NLGN1: variants seen among roughly 807,000 people sequenced by gnomAD.
NLGN1 encodes neuroligin-1.
A neutral mutation model predicts 65.5 loss-of-function variants in NLGN1; 12 were observed. The ratio of observed to expected loss-of-function variants is 0.18; its 90% confidence interval spans 0.12 to 0.30. The LOEUF is 0.30. Among genes scored for constraint, NLGN1 ranks in the 10% least tolerant of loss-of-function variants. The pLI is 1.00. For synonymous variants in NLGN1, 350 were observed against 359.5 expected, an observed-to-expected ratio of 0.97 and a Z score of 0.30; for missense variants, 750 against 1,007.1, an observed-to-expected ratio of 0.74 and a Z score of 3.46.
At chr3:173,892,408 G>A (rs956838642) in intron 4 of NLGN1, among the ~76,000 whole-genome samples, 5 of 151,796 alleles carry the variant, frequency 3.3e-5, no homozygotes, top group South Asian at 4.2e-4. Flanking sequence ...ATTTTCCTAT[G>A]TATGTTTTAT....
chr3:174,240,520 A>T lies in NLGN1; in HGVS notation c.647-34795A>T, dbSNP rs188884362. On this transcript the variant is annotated intron_variant, in intron 4 of 6. Transcript: ENST00000457714. ...TTAAATTACCAAGAACGCTGTCATT[A>T]TACAGGCCAGATAGGAAAAAAGTCC... is the stretch of plus-strand genomic sequence containing the variant. Among the ~76,000 whole-genome samples, 120 of 152,304 alleles carry T rather than the reference A, an allele frequency of 7.9e-4. 1 individual carries two copies. The highest frequency in any genetic ancestry group is 6.8e-3 in the Middle Eastern group (2 of 292).
intron 4 of NLGN1, among the ~76,000 whole-genome samples, chr3:173,965,481 C>CTT (rs1298101645): frequency 0.011 from 1,422 of 134,322 alleles, 30 homozygotes; most frequent in African/African-American, 0.036. Flanking sequence ...CCAGGCCCGG[C>CTT]TTTTTTTTTT....
At chr3:174,075,114 T>G (rs1740643185) in intron 4 of NLGN1, among the ~76,000 whole-genome samples, 1 of 152,092 alleles carries the variant, frequency 6.6e-6, no homozygotes, top group Non-Finnish European at 1.5e-5. Context: ...TGGCAGGAGA[T>G]TACAAAATCT....
At chr3:173,907,975 C>T (rs1007101621) in intron 4 of NLGN1, among the ~76,000 whole-genome samples, 4 of 152,230 alleles carry the variant, frequency 2.6e-5, no homozygotes, top group Admixed American at 2.0e-4. Flanking sequence ...ATGCCTCGGC[C>T]TCCCAAAGTG....
At chr3:173,532,330 T>A (rs189834407) in intron 2 of NLGN1, among the ~76,000 whole-genome samples, 302 of 152,310 alleles carry the variant, frequency 2.0e-3, no homozygotes, top group African/African-American at 7.1e-3. Flanking sequence ...AAATTGTGGA[T>A]ATTTCAAGGT....
chr3:173,548,049 G>A (rs141261939), intron 2 of NLGN1, among the ~76,000 whole-genome samples: 7 of 151,708 alleles, frequency 4.6e-5, no homozygotes, highest in East Asian at 1.9e-4. Context: ...ATTTACTTAC[G>A]CATTTACTTC....
At chr3:173,463,901 G>A (rs921148812) in intron 2 of NLGN1, among the ~76,000 whole-genome samples, 2 of 151,550 alleles carry the variant, frequency 1.3e-5, no homozygotes, top group African/African-American at 4.9e-5. Context: ...TATATAATGG[G>A]TTTATAGTTG....
chr3:173,740,549 A>G (rs1774485153), intron 3 of NLGN1, among the ~76,000 whole-genome samples: 1 of 152,084 alleles, frequency 6.6e-6, no homozygotes, highest in African/African-American at 2.4e-5. Context: ...CCCCTGTTCC[A>G]AAGAAGTACT....
intron 1 of NLGN1, among the ~76,000 whole-genome samples, chr3:173,413,514 C>T (rs1369628585): frequency 6.6e-6 from 1 of 152,068 alleles, no homozygotes; most frequent in African/African-American, 2.4e-5. Context: ...GCAGAAGAAT[C>T]GCTTGAACCC....
chr3:173,463,263 A>G (rs1374993947), intron 2 of NLGN1, among the ~76,000 whole-genome samples: 1 of 152,238 alleles, frequency 6.6e-6, no homozygotes. Flanking sequence ...ATATTGTTCA[A>G]AAACATGAGT....
intron 2 of NLGN1, among the ~76,000 whole-genome samples, chr3:173,466,702 T>C (rs1335150316): frequency 6.6e-6 from 1 of 152,194 alleles, no homozygotes; most frequent in Non-Finnish European, 1.5e-5. Context: ...ATAAGTGAAA[T>C]GGTTAGACAT....
In NLGN1 at chr3:173,730,324, C is replaced by CA. The variant is rs72448266; in HGVS notation, c.494-77356_494-77355insA. 6.4e-5 allele frequency among the ~76,000 whole-genome samples: 8 copies of CA among 124,342 alleles called. 1 individual carries two copies. The highest frequency in any genetic ancestry group is 1.9e-4 in the African/African-American group (6 of 32,242). The allele number at this position is 124,342 out of a possible 152,430, so 81.6% of individuals were successfully genotyped here. A position where few individuals can be genotyped will look rare whatever the true frequency, so the allele number is the denominator to read the frequency against. On this transcript the variant is annotated intron_variant, in intron 3 of 6. Transcript: ENST00000457714. ...CTAACACACTACTGCCCCACCGCTC[C>CA]CCCCCCCCCGCAAAAATAGAATGAA...
intron 2 of NLGN1, among the ~76,000 whole-genome samples, chr3:173,564,752 A>G (rs1340098273): frequency 1.3e-5 from 2 of 152,232 alleles, no homozygotes; most frequent in Non-Finnish European, 2.9e-5. Context: ...GCTGCAAACA[A>G]CAGGAATTTT....
chr3:174,074,311 G>A (rs1410760885), intron 4 of NLGN1, among the ~76,000 whole-genome samples: 1 of 152,126 alleles, frequency 6.6e-6, no homozygotes, highest in African/African-American at 2.4e-5. Context: ...AGATGATAAT[G>A]TGCTAATATT....
In NLGN1 at chr3:173,939,413, C is replaced by T. The variant is rs147796550; in HGVS notation, c.646+131581C>T. Among the ~76,000 whole-genome samples, 488 of 152,198 alleles carry T rather than the reference C, an allele frequency of 3.2e-3. 2 individuals are homozygous for T. The highest frequency in any genetic ancestry group is 0.011 in the African/African-American group (459 of 41,520). On this transcript the variant is annotated intron_variant, in intron 4 of 6. Coordinates refer to ENST00000457714, the Ensembl canonical transcript of NLGN1. ...TCGTGGGTTAAAATCATTCATTGAT[C>T]GCTAATCACCTGTGGTTGTTTACAC...
At chr3:174,197,100 A>G (rs939177097) in intron 4 of NLGN1, among the ~76,000 whole-genome samples, 3 of 152,182 alleles carry the variant, frequency 2.0e-5, no homozygotes, top group African/African-American at 7.2e-5. Flanking sequence ...CCTTTGCTGA[A>G]ATGTTGGGTG....
chr3:173,649,810 C>T (rs1758854267), intron 3 of NLGN1, among the ~76,000 whole-genome samples: 1 of 151,904 alleles, frequency 6.6e-6, no homozygotes, highest in African/African-American at 2.4e-5. Context: ...TGATATAAAC[C>T]ATTAAAGTAC....
intron 4 of NLGN1, among the ~76,000 whole-genome samples, chr3:174,119,768 G>A (rs992814729): frequency 2.6e-5 from 4 of 152,166 alleles, no homozygotes; most frequent in African/African-American, 9.6e-5. Context: ...ACTAACTTCT[G>A]TAGAATACTA....
intron 4 of NLGN1, among the ~76,000 whole-genome samples, chr3:174,181,976 CAAAAAAAA>C (rs551914698): frequency 1.5e-3 from 67 of 44,400 alleles, no homozygotes; most frequent in African/African-American, 4.7e-3. Context: ...GACTTGGTGT[CAAAAAAAA>C]AAAAAAAAAA....
Sources: gnomAD v4.1 joint callset for allele counts (sites outside exome capture counted in the v4.1 genomes callset) on GRCh38, gnomAD v4.1.1 for gene constraint, MANE v1.5 for transcripts, NCBI Gene and HGNC (gene_info 2026-07-23, HGNC 2026-07-21) for gene names.